The following SRD5A3 variants were observed in gnomAD, a reference collection of about 807,000 sequenced individuals.
The protein encoded by SRD5A3 is steroid 5 alpha-reductase 3, also known as polyprenal reductase.
A neutral mutation model predicts 34.3 loss-of-function variants in SRD5A3; 24 were observed. The ratio of observed to expected loss-of-function variants is 0.70; its 90% confidence interval spans 0.51 to 0.99. The LOEUF (loss-of-function observed/expected upper bound fraction) is 0.99. Among genes scored for constraint, SRD5A3 ranks in the 50% least tolerant of loss-of-function variants. The pLI, the probability that SRD5A3 is intolerant of heterozygous loss-of-function variation, is 0.00. For missense variants in SRD5A3, 350 were observed against 388.2 expected (o/e 0.90, Z 0.83); for synonymous variants, 161 against 167.3 (o/e 0.96, Z 0.29).
intron 2 of SRD5A3, among the ~76,000 whole-genome samples, chr4:55,361,166 G>C (rs556585968): frequency 1.3e-5 from 2 of 151,958 alleles, no homozygotes; most frequent in Non-Finnish European, 2.9e-5. Flanking sequence ...AGATAAACTG[G>C]TTGCAAAAGA....
intron 1 of SRD5A3, among the ~76,000 whole-genome samples, chr4:55,350,516 T>C (rs1163802802): frequency 6.6e-6 from 1 of 152,200 alleles, no homozygotes; most frequent in Non-Finnish European, 1.5e-5. Context: ...ATTGACAGTT[T>C]ATCATTGTAT....
intron 1 of SRD5A3, among the ~76,000 whole-genome samples, chr4:55,348,061 C>G (rs1719061282): frequency 6.6e-6 from 1 of 152,150 alleles, no homozygotes; most frequent in Non-Finnish European, 1.5e-5. Flanking sequence ...CCAGCTGTTG[C>G]AACTCAAGTC....
chr4:55,362,432 TTTTG>T (rs1341558807), intron 2 of SRD5A3, among the ~76,000 whole-genome samples: 3 of 151,678 alleles, frequency 2.0e-5, no homozygotes, highest in South Asian at 2.1e-4. Context: ...AGCCTGTTTC[TTTTG>T]TTTGTTTCAT....
intron 1 of SRD5A3, chr4:55,352,498 G>A: frequency 3.3e-6 from 2 of 603,996 alleles, no homozygotes; most frequent in Non-Finnish European, 6.0e-6. Context: ...TGGAGAAATG[G>A]TGAGAACCCC....
intron 1 of SRD5A3, chr4:55,358,995 AG>A (rs1388462662): frequency 3.0e-6 from 1 of 334,638 alleles, no homozygotes; most frequent in African/African-American, 2.1e-5. Context: ...AGCACAGTCT[AG>A]GTTCTCTTTG....
rs1720112758 is a variant in SRD5A3 at position 55,371,139 on chromosome 4, A to G, written c.*1048A>G. ...GCATCAGAAGATAAAATATTTTTAT[A>G]TTTATGCATAGCAAGCCTTCGTGAA... On this transcript the variant is annotated 3_prime_UTR_variant, in exon 5 of 5. Transcript: ENST00000264228. 6.6e-6 allele frequency: 1 copy of G among 152,186 alleles called. No homozygotes were observed. Among genetic ancestry groups the G allele is most frequent in the African/African-American group, 2.4e-5 (1 of 41,448 alleles). The allele number at this position is 152,186 out of a possible 1,614,324, so 9.4% of individuals were successfully genotyped here.
At chr4:55,363,436 A>C (rs9761521) in intron 2 of SRD5A3, among the ~76,000 whole-genome samples, 48,729 of 151,890 alleles carry the variant, frequency 0.32, 8,582 homozygotes, top group East Asian at 0.56. Flanking sequence ...CCTGTCTCAA[A>C]AATAAAGAAG....
intron 4 of SRD5A3, 105 bp downstream of exon 4, chr4:55,367,827 C>A: frequency 6.9e-7 from 1 of 1,450,646 alleles, no homozygotes. Context: ...TTGACTGTAT[C>A]AAATATTGAT....
chr4:55,369,758 G>T, intron 4 of SRD5A3, 74 bp from the exon 5 acceptor site: 106 of 1,495,176 alleles, frequency 7.1e-5, no homozygotes, highest in South Asian at 1.1e-4. Context: ...TTCTGTAAAT[G>T]ATTTGCGAGT....
intron 4 of SRD5A3, 134 bp from the exon 5 acceptor site, chr4:55,369,697 CT>C: frequency 9.3e-7 from 1 of 1,072,554 alleles, no homozygotes; most frequent in Non-Finnish European, 1.4e-6. Flanking sequence ...CACGACTGCA[CT>C]CCAGCCTGGA....
rs1310270069 is a variant in SRD5A3 at position 55,369,922 on chromosome 4, A to C, written c.788A>C (p.Tyr263Ser). 6.2e-7 allele frequency: 1 copy of C among 1,614,180 alleles called. No individual in the cohort carries two copies. The highest frequency in any genetic ancestry group is 1.7e-5 in the Admixed American group (1 of 60,020). The change falls in exon 5 of 5, where the codon TAC becomes TCC. Residue 263 changes from tyrosine (Y) to serine (S), a missense_variant. Around this residue, in one of 3 missense-constraint regions of SRD5A3, gnomAD observed 186 missense variants for 221.4 expected, o/e 0.84. Transcript: ENST00000264228. ...SPNYLAELMI[Y>S]VSMAVTFGFH... ...AACTACTTAGCAGAGCTGATGATCT[A>C]CGTTTCCATGGCCGTCACCTTTGGG...
intron 1 of SRD5A3, chr4:55,352,000 G>C (rs1224748525): frequency 2.6e-6 from 2 of 763,426 alleles, no homozygotes; most frequent in Non-Finnish European, 4.9e-6. Context: ...AGGTTCCTTT[G>C]TGTGTACATG....
intron 1 of SRD5A3, among the ~76,000 whole-genome samples, chr4:55,355,181 G>A (rs1012940565): frequency 6.6e-6 from 1 of 152,174 alleles, no homozygotes; most frequent in African/African-American, 2.4e-5. Flanking sequence ...TGTATAGGCC[G>A]GGTGCGGTGG....
In SRD5A3 at chr4:55,346,510, G is replaced by T. The variant is rs757707336; in HGVS notation, c.174G>T (p.Gly58=). Residue 58 remains glycine, a synonymous_variant, in exon 1 of 5, where the codon GGG becomes GGT. Transcript: ENST00000264228. ...TCCGCTATGGGAAAACCAAGTGTGG[G>T]GAGCCGTCGCGCCCCGCCGCCTGCC... is the stretch of plus-strand genomic sequence containing the variant. ...DLIRYGKTKC[G]EPSRPAACRA... The T allele has an allele frequency of 6.3e-7, 1 of 1,599,856 alleles. No homozygotes were observed. Among genetic ancestry groups the T allele is most frequent in the Admixed American group, 1.7e-5 (1 of 58,782 alleles).
chr4:55,362,958 A>G (rs577466841), intron 2 of SRD5A3, among the ~76,000 whole-genome samples: 30 of 149,408 alleles, frequency 2.0e-4, no homozygotes, highest in Non-Finnish European at 3.9e-4. Flanking sequence ...CAGTTCTACT[A>G]CCTCAGCCTG....
chr4:55,364,319 A>T (rs761935893), intron 3 of SRD5A3, 48 bp downstream of exon 3: 1 of 1,596,594 alleles, frequency 6.3e-7, no homozygotes, highest in East Asian at 2.2e-5. Context: ...AGGGTGTATG[A>T]TGCGCTCTCG....
rs10648522 is a variant in SRD5A3 at position 55,356,000 on chromosome 4, A to ATTTTTTTTTTTTTTTT, written c.222-3335_222-3320dup. Among the ~76,000 whole-genome samples the ATTTTTTTTTTTTTTTT allele has an allele frequency of 2.8e-4, 21 of 74,294 alleles. 3 individuals carry two copies. Among genetic ancestry groups the ATTTTTTTTTTTTTTTT allele is most frequent in the Non-Finnish European group, 4.6e-4 (20 of 43,026 alleles). 48.7% of individuals were successfully genotyped at this position (74,294 alleles called of 152,430 possible). A position where few individuals can be genotyped will look rare whatever the true frequency, so the allele number is the denominator to read the frequency against. Reference sequence around the variant, plus strand: ...ATGACCAATGCTTTCTTTTGCCTCCATTTTTTTTTTTTTTTTTTTTTTTTT... The same window carrying ATTTTTTTTTTTTTTTT: ...ATGACCAATGCTTTCTTTTGCCTCCATTTTTTTTTTTTTTTTTTTTTTTTTTTTTTTTTTTTTTTTT... On this transcript the variant is annotated intron_variant, in intron 1 of 4. Transcript: ENST00000264228.
chr4:55,346,699 C>T (rs531867639), intron 1 of SRD5A3, 142 bp downstream of exon 1: 10 of 739,022 alleles, frequency 1.4e-5, no homozygotes, highest in South Asian at 5.9e-5. Context: ...CAGCACGGCG[C>T]TCCCTCGGCC....
intron 1 of SRD5A3, among the ~76,000 whole-genome samples, chr4:55,355,591 C>T (rs1719424783): frequency 6.6e-6 from 1 of 152,144 alleles, no homozygotes; most frequent in Non-Finnish European, 1.5e-5. Context: ...CACGGTGTAG[C>T]TTAGCAACTT....
Sources: allele counts gnomAD v4.1 joint callset (sites outside exome capture counted in the v4.1 genomes callset), GRCh38; gene constraint gnomAD v4.1.1; regional missense constraint gnomAD v4.1.1; transcripts MANE v1.5; gene names NCBI Gene and HGNC (gene_info 2026-07-23, HGNC 2026-07-21).